Variants in UTP4 observed in about 807,000 individuals in gnomAD.
UTP4 encodes the protein U3 small nucleolar RNA-associated protein 4 homolog.
A neutral mutation model predicts 82.4 loss-of-function variants in UTP4; 45 were observed. The observed-to-expected ratio is 0.55, with a 90% confidence interval of 0.43 to 0.70. The LOEUF (loss-of-function observed/expected upper bound fraction) is 0.70. UTP4 is among the 30% of genes least tolerant of loss of function. UTP4 has a pLI of 0.00. For missense variants in UTP4, 819 were observed against 858.3 expected, an observed-to-expected ratio of 0.95 and a Z score of 0.57; for synonymous variants, 348 against 300.3, an observed-to-expected ratio of 1.16 and a Z score of -1.64.
chr16:69,162,212 C>A (rs956869126), intron 13 of UTP4, among the ~76,000 whole-genome samples: 11 of 151,780 alleles, frequency 7.2e-5, no homozygotes, highest in African/African-American at 2.4e-4. Context: ...CGTGATCCGC[C>A]TGCCTTGGCC....
chr16:69,136,266 C>T (rs1219740430), intron 2 of UTP4, among the ~76,000 whole-genome samples: 5 of 152,176 alleles, frequency 3.3e-5, no homozygotes, highest in Admixed American at 2.0e-4. Flanking sequence ...CAGTGGCTCA[C>T]GCCTATAATC....
intron 5 of UTP4, among the ~76,000 whole-genome samples, chr16:69,142,872 C>A (rs1215547517): frequency 6.6e-6 from 1 of 152,216 alleles, no homozygotes; most frequent in Non-Finnish European, 1.5e-5. Context: ...CCCTCCCTTG[C>A]ACCTTCTATC....
In UTP4 at chr16:69,133,507, A is replaced by G. The variant is rs1962713023; in HGVS notation, c.48A>G (p.Pro16=). The G allele has an allele frequency of 1.9e-6, 3 of 1,614,214 alleles. No individual in the cohort carries two copies. Among genetic ancestry groups the G allele is most frequent in the Non-Finnish European group, 1.7e-6 (2 of 1,180,036 alleles). The stretch of plus-strand genomic sequence containing the variant: ...GAGTACGTTTCTTTAATTATGTTCC[A>G]TCAGGAATCCGCTGTGTGGCTTACA... ...VHRVRFFNYV[P]SGIRCVAYNN... The change falls in exon 2 of 17, where the codon CCA becomes CCG. Residue 16 remains proline, a synonymous_variant. Transcript: ENST00000314423.
rs774749174 is a variant in UTP4 at position 69,133,603 on chromosome 16, C to G, written c.144C>G (p.Asn48Lys). 3.1e-6 allele frequency: 5 copies of G among 1,614,108 alleles called. No individual in the cohort carries two copies. The highest frequency in any genetic ancestry group is 4.2e-6 in the Non-Finnish European group (5 of 1,179,998). The change falls in exon 2 of 17, where the codon AAC (asparagine) becomes AAG (lysine). Residue 48 changes from asparagine (N) to lysine (K), a missense_variant. Asn to Lys is a moderately conservative substitution (Grantham distance 94). Transcript: ENST00000314423. ...GTVEIYNLSA[N>K]YFQEKFFPGH... is the part of the protein sequence containing the mutation. ...TGGAAATTTATAACTTGTCAGCAAA[C>G]TACTTTCAGGAGAAAGTAAGTCATT...
At chr16:69,141,111 A>G (rs191294110) in intron 5 of UTP4, among the ~76,000 whole-genome samples, 5 of 152,288 alleles carry the variant, frequency 3.3e-5, no homozygotes, top group Admixed American at 2.6e-4. Flanking sequence ...GTTCAAGTCC[A>G]TCTGATTTTC....
chr16:69,164,559 C>G (rs1316828756), intron 14 of UTP4, among the ~76,000 whole-genome samples: 1 of 145,416 alleles, frequency 6.9e-6, no homozygotes, highest in Non-Finnish European at 1.5e-5. Flanking sequence ...TGGTCTTTGA[C>G]TTAGAAATTT....
At chr16:69,162,183 G>A (rs1963580892) in intron 13 of UTP4, among the ~76,000 whole-genome samples, 1 of 150,858 alleles carries the variant, frequency 6.6e-6, no homozygotes, top group Non-Finnish European at 1.5e-5. Flanking sequence ...TGGCCAGGCT[G>A]GTCTCAAACT....
At position 69,143,359 on chromosome 16, in the gene UTP4, T is replaced by C. The variant is rs780626428; in HGVS notation, c.708T>C (p.Asn236=). 1 of 1,614,170 alleles carries C rather than the reference T, an allele frequency of 6.2e-7. No individual in the cohort carries two copies. The highest frequency in any genetic ancestry group is 1.7e-5 in the Admixed American group (1 of 60,018). Residue 236 remains asparagine (N), a synonymous_variant, in exon 6 of 17, where the codon AAT becomes AAC. Transcript: ENST00000314423. ...TTGTGAAGAGCCATCTCATCGCTAA[T>C]GCTGACGTGCAGTCCATTGCTGTAG... ...GTLVKSHLIA[N]ADVQSIAVAD... is the part of the protein sequence containing the mutation.
intron 2 of UTP4, among the ~76,000 whole-genome samples, chr16:69,135,111 T>C (rs1165887154): frequency 6.6e-6 from 1 of 152,130 alleles, no homozygotes; most frequent in African/African-American, 2.4e-5. Context: ...GTTTGTTTAA[T>C]GTCTTTCTTC....
At chr16:69,163,546 G>A (rs1393891756) in intron 14 of UTP4, among the ~76,000 whole-genome samples, 1 of 152,054 alleles carries the variant, frequency 6.6e-6, no homozygotes, top group Non-Finnish European at 1.5e-5. Flanking sequence ...CTAAAAGATT[G>A]TATCATTCAC....
At chr16:69,148,045 C>T (rs2152279570) in intron 6 of UTP4, among the ~76,000 whole-genome samples, 1 of 152,192 alleles carries the variant, frequency 6.6e-6, no homozygotes, top group Non-Finnish European at 1.5e-5. Flanking sequence ...GCTCCGCCTC[C>T]CTGGTTCACG....
chr16:69,140,386 G>A (rs1962925804), intron 5 of UTP4, among the ~76,000 whole-genome samples: 1 of 152,130 alleles, frequency 6.6e-6, no homozygotes, highest in Admixed American at 6.6e-5. Flanking sequence ...CAACTTGTTA[G>A]GTGGACATGT....
At chr16:69,147,182 A>G (rs1411813756) in intron 6 of UTP4, among the ~76,000 whole-genome samples, 2 of 80,592 alleles carry the variant, frequency 2.5e-5, no homozygotes, top group African/African-American at 1.1e-4. Context: ...AGCTCAAAAT[A>G]ATAATAATAA....
At chr16:69,138,731 T>A (rs1962877617) in intron 4 of UTP4, among the ~76,000 whole-genome samples, 1 of 152,212 alleles carries the variant, frequency 6.6e-6, no homozygotes, top group Non-Finnish European at 1.5e-5. Flanking sequence ...GTCTGCCAAC[T>A]CTGTCAGTGT....
intron 15 of UTP4, 171 bp from the exon 16 acceptor site, chr16:69,166,903 GA>G (rs1963715925): frequency 1.6e-6 from 1 of 608,908 alleles, no homozygotes; most frequent in Admixed American, 2.9e-5. Flanking sequence ...TAGTTTTTCT[GA>G]ATAGAGGTAT....
At chr16:69,165,265 C>G in intron 14 of UTP4, 76 bp from the exon 15 acceptor site, 1 of 1,245,186 alleles carries the variant, frequency 8.0e-7, no homozygotes, top group Non-Finnish European at 1.2e-6. Context: ...TAGATACTTT[C>G]TGGTTAGGGA....
chr16:69,139,153 GA>G (rs1962891329), intron 4 of UTP4: 1 of 151,044 alleles, frequency 6.6e-6, no homozygotes, highest in African/African-American at 2.4e-5. Flanking sequence ...GTTTTTAGTA[GA>G]GACGGGGTTT....
rs945466057 is a variant in UTP4, at chr16:69,139,838, T to C, written c.450T>C (p.Ser150=). Reference sequence around the variant, plus strand: ...CCAACTCCCAAGGTCGCATCCTGAGTCTCAGCTGGCATCCCTCTGGTACCC... The same window carrying C: ...CCAACTCCCAAGGTCGCATCCTGAGCCTCAGCTGGCATCCCTCTGGTACCC... ...NFDRQKSRIL[S]LSWHPSGTHI... Residue 150 remains serine (S), a synonymous_variant, in exon 5 of 17, where the codon AGT becomes AGC. Transcript: ENST00000314423. 3.7e-6 allele frequency: 6 copies of C among 1,613,468 alleles called. No homozygotes were observed. The Admixed American group carries it at 6.7e-5, about 18-fold the overall frequency.
intron 5 of UTP4, among the ~76,000 whole-genome samples, chr16:69,142,532 G>A (rs1962987732): frequency 6.6e-6 from 1 of 152,074 alleles, no homozygotes; most frequent in Non-Finnish European, 1.5e-5. Context: ...ATCCCTCTTT[G>A]AAGCCCCACT....
Sources: allele counts gnomAD v4.1 joint callset (sites outside exome capture counted in the v4.1 genomes callset), GRCh38; gene constraint gnomAD v4.1.1; transcripts MANE v1.5; gene names NCBI Gene and HGNC (gene_info 2026-07-23, HGNC 2026-07-21).